PCDHA1: variants seen among roughly 807,000 people sequenced by gnomAD.
PCDHA1 encodes protocadherin alpha-1.
PCDHA1 carries 42 observed loss-of-function variants against 61.3 expected under a neutral mutation model. The ratio of observed to expected loss-of-function variants is 0.69; its 90% CI spans 0.54 to 0.89. PCDHA1 has a LOEUF of 0.89. Among genes scored for constraint, PCDHA1 ranks in the 40% least tolerant of loss-of-function variants. The pLI is 0.00. For synonymous variants in PCDHA1, 610 were observed against 553.8 expected (o/e 1.10, Z -1.43); for missense variants, 1,256 against 1,235.3 (o/e 1.02, Z -0.25).
intron 1 of PCDHA1, among the ~76,000 whole-genome samples, chr5:140,917,561 C>T (rs1286710001): frequency 6.6e-6 from 1 of 152,214 alleles, no homozygotes; most frequent in Non-Finnish European, 1.5e-5. Flanking sequence ...ACTCTTTAAT[C>T]CATCTCAGGC....
intron 3 of PCDHA1, among the ~76,000 whole-genome samples, chr5:140,987,234 A>G (rs2097240958): frequency 6.6e-6 from 1 of 151,980 alleles, no homozygotes; most frequent in Non-Finnish European, 1.5e-5. Context: ...AAAATAATAA[A>G]TAAAGAAAGA....
intron 1 of PCDHA1, chr5:140,882,683 C>G (rs1554175163): frequency 6.2e-7 from 1 of 1,614,148 alleles, no homozygotes; most frequent in Non-Finnish European, 8.5e-7. Flanking sequence ...AAGCAAGAAA[C>G]GAATAATCAT....
intron 1 of PCDHA1, among the ~76,000 whole-genome samples, chr5:140,840,474 T>C (rs2150307234): frequency 6.6e-6 from 1 of 151,908 alleles, no homozygotes; most frequent in African/African-American, 2.4e-5. Flanking sequence ...GGGAAAAAAG[T>C]TTAAAGGCAT....
chr5:140,879,989 C>T (rs1223310901), intron 1 of PCDHA1, among the ~76,000 whole-genome samples: 3 of 152,182 alleles, frequency 2.0e-5, no homozygotes, highest in African/African-American at 7.2e-5. Flanking sequence ...AGATCCTTAA[C>T]TTAATCATAT....
intron 1 of PCDHA1, chr5:140,858,510 T>C: frequency 2.1e-6 from 3 of 1,437,158 alleles, no homozygotes; most frequent in African/African-American, 1.4e-5. Flanking sequence ...TTCTCAAATA[T>C]GTATCAGAAT....
chr5:140,968,383 T>C, intron 1 of PCDHA1: 1 of 1,614,044 alleles, frequency 6.2e-7, no homozygotes. Context: ...CCTTTGACTA[T>C]GAGAAGTTTC....
At chr5:140,910,699 C>T (rs2075133738) in intron 1 of PCDHA1, among the ~76,000 whole-genome samples, 1 of 152,180 alleles carries the variant, frequency 6.6e-6, no homozygotes. Flanking sequence ...AGCTTGCTCA[C>T]AGTGGGCCAT....
Position 140,998,902 on chromosome 5 carries a change from C to T in PCDHA1, c.2543-10725C>T, listed in dbSNP as rs148715237. On this transcript the variant is annotated intron_variant, in intron 3 of 3. Coordinates refer to ENST00000504120, the MANE Select transcript of PCDHA1 (RefSeq NM_018900.4). ...TTAGTTGAATAAATAACAATGCCTC[C>T]GGGAGGTAGCTATTATATCCATTTT... Among the ~76,000 whole-genome samples the T allele has an allele frequency of 4.2e-3, 632 of 152,216 alleles. 5 individuals are homozygous for T. Among genetic ancestry groups the T allele is most frequent in the African/African-American group, 0.014 (572 of 41,540 alleles).
intron 1 of PCDHA1, chr5:140,803,070 G>A: frequency 6.2e-7 from 1 of 1,613,960 alleles, no homozygotes; most frequent in Non-Finnish European, 8.5e-7. Flanking sequence ...GTTTCGCGTG[G>A]GGCTGTACAC....
At chr5:140,882,909 C>A in intron 1 of PCDHA1, 2 of 1,614,172 alleles carry the variant, frequency 1.2e-6, no homozygotes, top group Non-Finnish European at 1.7e-6. Context: ...TTACTGACAG[C>A]CAGTGATGGA....
At chr5:140,881,623 A>G (rs1179461885) in intron 1 of PCDHA1, among the ~76,000 whole-genome samples, 1 of 152,188 alleles carries the variant, frequency 6.6e-6, no homozygotes, top group East Asian at 1.9e-4. Flanking sequence ...TCAAAATCTG[A>G]TATATCAGTT....
intron 1 of PCDHA1, chr5:140,967,425 C>A (rs1218574888): frequency 1.2e-6 from 2 of 1,613,178 alleles, no homozygotes; most frequent in Non-Finnish European, 1.7e-6. Context: ...CGGGAGCAGG[C>A]AGCCTTGCAC....
Position 140,851,010 on chromosome 5 carries a change from T to C in PCDHA1, c.2394+62326T>C, listed in dbSNP as rs200591127. 6.3e-5 allele frequency: 90 copies of C among 1,436,878 alleles called. 3 individuals are homozygous for C. In the African/African-American group the frequency reaches 1.2e-3, roughly 20 times the overall value. The allele number at this position is 1,436,878 out of a possible 1,614,324, so 89.0% of individuals were successfully genotyped here. A position where few individuals can be genotyped will look rare whatever the true frequency, so the allele number is the denominator to read the frequency against. On this transcript the variant is annotated intron_variant, in intron 1 of 3. Transcript: ENST00000504120. ...TTTTCTAGAAATCCAGCAGATTTTT[T>C]TTCTGATAAAGTAAACCCCTTAACA...
intron 1 of PCDHA1, among the ~76,000 whole-genome samples, chr5:140,932,553 C>T (rs1288415511): frequency 6.6e-6 from 1 of 151,798 alleles, no homozygotes; most frequent in African/African-American, 2.4e-5. Context: ...AACATACATT[C>T]CACAAGTAGA....
At chr5:140,927,641 CTG>C (rs782418145) in intron 1 of PCDHA1, 23 of 1,614,074 alleles carry the variant, frequency 1.4e-5, no homozygotes, top group Non-Finnish European at 1.4e-5. Flanking sequence ...CCCAATGGGA[CTG>C]TGTTATTCCG....
chr5:140,842,740 C>T, intron 1 of PCDHA1: 2 of 1,595,054 alleles, frequency 1.3e-6, no homozygotes, highest in Non-Finnish European at 1.7e-6. Context: ...CGGGCTGCCA[C>T]ATCTTCACGG....
At chr5:140,861,474 G>A in intron 1 of PCDHA1, 1 of 493,958 alleles carries the variant, frequency 2.0e-6, no homozygotes, top group East Asian at 5.8e-5. Context: ...TCTGCAGAAT[G>A]GCATTTTTGT....
intron 1 of PCDHA1, chr5:140,829,178 G>C (rs2150163501): frequency 6.2e-7 from 1 of 1,614,150 alleles, no homozygotes; most frequent in South Asian, 1.1e-5. Context: ...ACGTGAAGAC[G>C]CTCAATTTGG....
At chr5:140,995,025 C>A (rs1304675289) in intron 3 of PCDHA1, among the ~76,000 whole-genome samples, 1 of 152,146 alleles carries the variant, frequency 6.6e-6, no homozygotes, top group Non-Finnish European at 1.5e-5. Context: ...AAAGAAGATT[C>A]TTTTAAGTTT....
Sources: allele counts gnomAD v4.1 joint callset (sites outside exome capture counted in the v4.1 genomes callset), GRCh38; gene constraint gnomAD v4.1.1; transcripts MANE v1.5; gene names NCBI Gene and HGNC (gene_info 2026-07-23, HGNC 2026-07-21).